TGFB2: variants seen among roughly 807,000 people sequenced by gnomAD.
The protein encoded by TGFB2 is transforming growth factor beta-2 proprotein.
In TGFB2, 13 loss-of-function variants were observed where a neutral mutation model predicts 42.7. The observed-to-expected ratio is 0.30, with a 90% CI of 0.20 to 0.48. The LOEUF is 0.48. Among genes scored for constraint, TGFB2 ranks in the 20% least tolerant of loss-of-function variants. The probability of loss-of-function intolerance (pLI) is 0.99; values close to 1 mark genes in which losing one functional copy is unlikely to be tolerated. For synonymous variants in TGFB2, 193 were observed against 193.6 expected (o/e 1.00, Z 0.03); for missense variants, 390 against 517.5 (o/e 0.75, Z 2.39).
At chr1:218,373,925 C>T (rs767613995) in intron 1 of TGFB2, among the ~76,000 whole-genome samples, 3 of 152,184 alleles carry the variant, frequency 2.0e-5, no homozygotes, top group Non-Finnish European at 2.9e-5. Context: ...AACCCAAGGG[C>T]TTGCATACTG....
intron 2 of TGFB2, among the ~76,000 whole-genome samples, chr1:218,417,185 C>T (rs1659310383): frequency 6.6e-6 from 1 of 152,196 alleles, no homozygotes; most frequent in Admixed American, 6.5e-5. Context: ...AAGTTTGGAA[C>T]TTCCTAGAGA....
chr1:218,439,614 C>T (rs1397299941), intron 6 of TGFB2, among the ~76,000 whole-genome samples: 1 of 152,272 alleles, frequency 6.6e-6, no homozygotes, highest in East Asian at 1.9e-4. Context: ...GACTTTGGCA[C>T]TCGGGGGCGA....
chr1:218,376,636 C>A (rs1291332716), intron 1 of TGFB2, among the ~76,000 whole-genome samples: 1 of 152,164 alleles, frequency 6.6e-6, no homozygotes, highest in African/African-American at 2.4e-5. Context: ...TCTTATCCCC[C>A]ACCTAAGTGG....
At chr1:218,407,321 C>T (rs1658946157) in intron 2 of TGFB2, among the ~76,000 whole-genome samples, 1 of 152,212 alleles carries the variant, frequency 6.6e-6, no homozygotes, top group African/African-American at 2.4e-5. Flanking sequence ...CTCAAGAGAT[C>T]ATCCCACCTC....
intron 1 of TGFB2, among the ~76,000 whole-genome samples, chr1:218,404,208 G>A (rs903513577): frequency 6.6e-6 from 1 of 152,154 alleles, no homozygotes; most frequent in African/African-American, 2.4e-5. Context: ...CGCCCCCGGG[G>A]TTCAAGCAAT....
At chr1:218,414,227 G>GCGCA (rs566215021) in intron 2 of TGFB2, among the ~76,000 whole-genome samples, 1 of 145,876 alleles carries the variant, frequency 6.9e-6, no homozygotes, top group East Asian at 2.0e-4. Context: ...AAACACATGT[G>GCGCA]CACACACACA....
At position 218,441,906 on chromosome 1, in the gene TGFB2, A is replaced by G. The variant is rs1031498908; in HGVS notation, c.*544A>G. 12 of 152,222 alleles carry G rather than the reference A, an allele frequency of 7.9e-5. No individual in the cohort carries two copies. The highest frequency in any genetic ancestry group is 1.4e-4 in the African/African-American group (6 of 41,458). 9.4% of individuals were successfully genotyped at this position (152,222 alleles called of 1,614,324 possible). Reference sequence around the variant, plus strand: ...AAAACAGGTGTATAAAGTGGAGACCAAATACTTTGCCAGAAACTCATGGAT... The same window carrying G: ...AAAACAGGTGTATAAAGTGGAGACCGAATACTTTGCCAGAAACTCATGGAT... On this transcript the variant is annotated 3_prime_UTR_variant, in exon 7 of 7. Coordinates refer to ENST00000366930, the MANE Select transcript of TGFB2 (RefSeq NM_003238.6).
At chr1:218,393,635 A>G (rs1001314840) in intron 1 of TGFB2, among the ~76,000 whole-genome samples, 3 of 152,198 alleles carry the variant, frequency 2.0e-5, no homozygotes, top group African/African-American at 7.2e-5. Context: ...GGAAGTGAGA[A>G]AAAGAGGAGA....
At chr1:218,375,432 G>T (rs1412785425) in intron 1 of TGFB2, among the ~76,000 whole-genome samples, 3 of 118,878 alleles carry the variant, frequency 2.5e-5, no homozygotes, top group Non-Finnish European at 3.8e-5. Context: ...TAAAATGAGA[G>T]TTAATTAAAA....
intron 2 of TGFB2, among the ~76,000 whole-genome samples, chr1:218,427,641 A>AT (rs1291253709): frequency 1.3e-5 from 2 of 152,138 alleles, no homozygotes; most frequent in Non-Finnish European, 2.9e-5. Flanking sequence ...AGCTTCATCC[A>AT]TGTCCCTACA....
intron 1 of TGFB2, among the ~76,000 whole-genome samples, chr1:218,392,018 A>G (rs1161981531): frequency 6.6e-6 from 1 of 152,198 alleles, no homozygotes; most frequent in East Asian, 1.9e-4. Flanking sequence ...TACAGAAGAA[A>G]AGAGATGAAG....
rs751650226 is a variant in TGFB2, at chr1:218,441,303, A to C, written c.1186A>C (p.Lys396Gln). 2.9e-5 allele frequency: 47 copies of C among 1,613,596 alleles called. 1 individual carries two copies. The East Asian group carries it at 1.0e-3, about 34-fold the overall frequency. The change falls in exon 7 of 7, where the codon AAA (lysine) becomes CAA (glutamine). Residue 396 changes from lysine (K) to glutamine (Q), a missense_variant. By Grantham distance (53) the Lys-to-Gln change is moderately conservative. Transcript: ENST00000366930. ...TCTAACCATTCTCTACTACATTGGC[A>C]AAACACCCAAGATTGAACAGCTTTC... The part of the protein sequence containing the change: ...EPLTILYYIG[K>Q]TPKIEQLSNM...
intron 2 of TGFB2, among the ~76,000 whole-genome samples, chr1:218,413,111 C>T (rs1408124744): frequency 2.0e-5 from 3 of 152,170 alleles, no homozygotes; most frequent in Admixed American, 6.5e-5. Context: ...GTGGCTCACA[C>T]CTATAATCCC....
Position 218,434,098 on chromosome 1 carries a change from A to G in TGFB2, c.527A>G (p.Asp176Gly), listed in dbSNP as rs769281540. 6.2e-7 allele frequency: 1 copy of G among 1,614,076 alleles called. No individual in the cohort carries two copies. The highest frequency in any genetic ancestry group is 8.5e-7 in the Non-Finnish European group (1 of 1,179,958). The change falls in exon 3 of 7, where the codon GAT (aspartate) becomes GGT (glycine). Residue 176 changes from aspartate (D) to glycine (G), a missense_variant. By Grantham distance (94) the Asp-to-Gly change is moderately conservative. Coordinates refer to ENST00000366930, the MANE Select transcript of TGFB2 (RefSeq NM_003238.6). ...CCCCTCCAGATTCTCAAGTCCAAAGATTTAACATCTCCAACCCAGCGCTAC... is the reference window on the plus strand; with the variant it reads ...CCCCTCCAGATTCTCAAGTCCAAAGGTTTAACATCTCCAACCCAGCGCTAC... ...IELYQILKSK[D>G]LTSPTQRYID... is the part of the protein sequence containing the mutation.
Position 218,407,467 on chromosome 1 carries a change from C to T in TGFB2, c.510+2135C>T, listed in dbSNP as rs114489935. Among the ~76,000 whole-genome samples the T allele has an allele frequency of 2.1e-3, 325 of 152,210 alleles. 1 individual carries two copies. Among genetic ancestry groups the T allele is most frequent in the African/African-American group, 7.4e-3 (306 of 41,528 alleles). On this transcript the variant is annotated intron_variant, in intron 2 of 6. Transcript: ENST00000366930. ...GGCCCTCGAGAACCTGTTTTTGAGACTTTTAAATCCTAACTGGCATTCTGG... is the reference window on the plus strand; with the variant it reads ...GGCCCTCGAGAACCTGTTTTTGAGATTTTTAAATCCTAACTGGCATTCTGG...
intron 2 of TGFB2, among the ~76,000 whole-genome samples, chr1:218,433,013 A>C (rs1386518244): frequency 6.6e-6 from 1 of 152,162 alleles, no homozygotes; most frequent in Non-Finnish European, 1.5e-5. Context: ...AACATACTAC[A>C]GTTGCGCTTT....
At chr1:218,425,159 TTAACACACC>T (rs1232772684) in intron 2 of TGFB2, among the ~76,000 whole-genome samples, 4 of 152,198 alleles carry the variant, frequency 2.6e-5, no homozygotes. Context: ...AAGGGCTTTG[TTAACACACC>T]TAAGTGCTTC....
At chr1:218,396,329 C>T (rs564866396) in intron 1 of TGFB2, among the ~76,000 whole-genome samples, 11 of 152,240 alleles carry the variant, frequency 7.2e-5, no homozygotes, top group Admixed American at 3.9e-4. Context: ...GGAAGAAAAA[C>T]AATTTTTGGA....
chr1:218,441,340 T>C lies in TGFB2; in HGVS notation c.1223T>C (p.Val408Ala). The C allele has an allele frequency of 6.2e-7, 1 of 1,607,400 alleles. No individual in the cohort carries two copies. Among genetic ancestry groups the C allele is most frequent in the Non-Finnish European group, 8.5e-7 (1 of 1,178,504 alleles). ...PKIEQLSNMIVKSCKCS is the reference protein window; with the variant it reads ...PKIEQLSNMIAKSCKCS ...ATTGAACAGCTTTCTAATATGATTGTAAAGTCTTGCAAATGCAGCTAAAAT... is the reference window on the plus strand; with the variant it reads ...ATTGAACAGCTTTCTAATATGATTGCAAAGTCTTGCAAATGCAGCTAAAAT... The change falls in exon 7 of 7, where the codon GTA becomes GCA. Residue 408 changes from valine (V) to alanine (A), a missense_variant. Physicochemically the swap from Val to Ala is moderately conservative, Grantham distance 64. Transcript: ENST00000366930.
Sources: allele counts gnomAD v4.1 joint callset (sites outside exome capture counted in the v4.1 genomes callset), GRCh38; gene constraint gnomAD v4.1.1; transcripts MANE v1.5; gene names NCBI Gene and HGNC (gene_info 2026-07-23, HGNC 2026-07-21).